CNTNAP2: variants seen among roughly 807,000 people sequenced by gnomAD.
The protein encoded by CNTNAP2 is contactin associated protein 2, also known as contactin-associated protein-like 2.
In CNTNAP2, 98 loss-of-function variants were observed where a neutral mutation model predicts 155.2. That is an observed-to-expected ratio of 0.63 (90% CI 0.54 to 0.75). The LOEUF (loss-of-function observed/expected upper bound fraction) is 0.75, where lower values mean the gene tolerates loss of function less well. Ranked by LOEUF, CNTNAP2 falls within the 30% of genes least tolerant of loss-of-function variation. The pLI, the probability that CNTNAP2 is intolerant of heterozygous loss-of-function variation, is 0.00. For synonymous variants in CNTNAP2, 651 were observed against 631.2 expected, an observed-to-expected ratio of 1.03 and a Z score of -0.47; for missense variants, 1,727 against 1,688.1, an observed-to-expected ratio of 1.02 and a Z score of -0.40.
intron 1 of CNTNAP2, among the ~76,000 whole-genome samples, chr7:146,575,199 C>A (rs1011215806): frequency 3.3e-5 from 5 of 152,142 alleles, no homozygotes; most frequent in African/African-American, 9.7e-5. Context: ...TCACTGCAAC[C>A]TCTGCCTCCT....
intron 1 of CNTNAP2, among the ~76,000 whole-genome samples, chr7:146,675,833 C>G (rs1027141015): frequency 1.9e-4 from 29 of 152,042 alleles, no homozygotes; most frequent in African/African-American, 6.5e-4. Flanking sequence ...TCATTGTTAT[C>G]AATTTAGTCA....
In CNTNAP2 at chr7:147,110,987, C is replaced by T. The variant is rs183878283; in HGVS notation, c.754+2637C>T. On this transcript the variant is annotated intron_variant, in intron 5 of 23. Transcript: ENST00000361727. Reference sequence around the variant, plus strand: ...CAATGATTGAACTAATTTCCCCTCCCACCAACAGCATAAAAGCTTTCCTTT... The same window carrying T: ...CAATGATTGAACTAATTTCCCCTCCTACCAACAGCATAAAAGCTTTCCTTT... Among the ~76,000 whole-genome samples, 7 of 152,302 alleles carry T rather than the reference C, an allele frequency of 4.6e-5. No individual in the cohort carries two copies. In the East Asian group the frequency reaches 1.3e-3, roughly 29 times the overall value.
At chr7:146,212,912 C>A (rs1201849583) in intron 1 of CNTNAP2, among the ~76,000 whole-genome samples, 1 of 152,092 alleles carries the variant, frequency 6.6e-6, no homozygotes, top group Non-Finnish European at 1.5e-5. Context: ...CTGGAGTTAA[C>A]CTGAACATGA....
chr7:146,597,898 T>C (rs1252041447), intron 1 of CNTNAP2, among the ~76,000 whole-genome samples: 1 of 152,110 alleles, frequency 6.6e-6, no homozygotes, highest in Non-Finnish European at 1.5e-5. Flanking sequence ...ACTCCGAACC[T>C]CTTCTCCTAG....
At chr7:146,664,667 A>T (rs1800159517) in intron 1 of CNTNAP2, among the ~76,000 whole-genome samples, 1 of 152,164 alleles carries the variant, frequency 6.6e-6, no homozygotes, top group South Asian at 2.1e-4. Flanking sequence ...CATAAAATGA[A>T]TTGGAAATTC....
intron 12 of CNTNAP2, chr7:147,638,721 G>A (rs1038817515): frequency 2.6e-6 from 1 of 389,202 alleles, no homozygotes; most frequent in African/African-American, 2.1e-5. Context: ...AGTTCATTTA[G>A]GAAAGAGAAA....
At chr7:146,258,586 T>C (rs1799874696) in intron 1 of CNTNAP2, among the ~76,000 whole-genome samples, 1 of 152,198 alleles carries the variant, frequency 6.6e-6, no homozygotes, top group African/African-American at 2.4e-5. Context: ...TGTACCCATA[T>C]AGTGATGGAT....
In CNTNAP2 at chr7:146,642,510, G is replaced by A. The variant is rs956663897; in HGVS notation, c.98-131761G>A. 5.9e-5 allele frequency among the ~76,000 whole-genome samples: 9 copies of A among 151,688 alleles called. No homozygotes were observed. The East Asian group carries it at 7.7e-4, about 13-fold the overall frequency. On this transcript the variant is annotated intron_variant, in intron 1 of 23. Transcript: ENST00000361727. Reference sequence around the variant, plus strand: ...AACTCATCATTTCTTATGGCTGCATGGTATTCCATGGTGTATACGTGCCAC... The same window carrying A: ...AACTCATCATTTCTTATGGCTGCATAGTATTCCATGGTGTATACGTGCCAC...
intron 2 of CNTNAP2, among the ~76,000 whole-genome samples, chr7:146,815,298 TGAA>T (rs1359345435): frequency 6.6e-6 from 1 of 152,180 alleles, no homozygotes; most frequent in Admixed American, 6.6e-5. Flanking sequence ...ATATTTGTAA[TGAA>T]GACAAATATT....
chr7:147,411,254 G>GA (rs935556190), intron 10 of CNTNAP2, among the ~76,000 whole-genome samples: 15 of 151,906 alleles, frequency 9.9e-5, no homozygotes, highest in South Asian at 4.2e-4. Flanking sequence ...TATTCAATGG[G>GA]AAAAAAAATG....
chr7:146,121,169 C>T, intron 1 of CNTNAP2, among the ~76,000 whole-genome samples: 1 of 132,248 alleles, frequency 7.6e-6, no homozygotes, highest in Non-Finnish European at 1.6e-5. Flanking sequence ...TGCTCTGTCG[C>T]CCAGGCTGGA....
chr7:147,955,557 C>G (rs969774480), intron 14 of CNTNAP2, among the ~76,000 whole-genome samples: 3 of 152,002 alleles, frequency 2.0e-5, no homozygotes, highest in Non-Finnish European at 4.4e-5. Context: ...TATTCAGAAC[C>G]CCCAGTTGTC....
chr7:147,400,707 G>A (rs931656425), intron 10 of CNTNAP2, among the ~76,000 whole-genome samples: 5 of 152,102 alleles, frequency 3.3e-5, no homozygotes, highest in African/African-American at 1.2e-4. Flanking sequence ...GTGTTCTTGG[G>A]AAAGCTTTTG....
chr7:148,214,338 G>C (rs1443974070), intron 18 of CNTNAP2, among the ~76,000 whole-genome samples: 1 of 152,144 alleles, frequency 6.6e-6, no homozygotes, highest in East Asian at 1.9e-4. Flanking sequence ...TCATCACATA[G>C]CTGCTAAATA....
At chr7:146,754,134 C>T (rs1801951821) in intron 1 of CNTNAP2, among the ~76,000 whole-genome samples, 2 of 151,954 alleles carry the variant, frequency 1.3e-5, no homozygotes, top group Admixed American at 1.3e-4. Flanking sequence ...TTAATATTCT[C>T]TTTTGATTCC....
chr7:146,647,331 A>C (rs1799831588), intron 1 of CNTNAP2, among the ~76,000 whole-genome samples: 1 of 151,632 alleles, frequency 6.6e-6, no homozygotes, highest in South Asian at 2.1e-4. Context: ...TCTGTTAAGA[A>C]GGAGAAGAAA....
chr7:146,970,020 A>T (rs948821739), intron 3 of CNTNAP2, among the ~76,000 whole-genome samples: 7 of 152,212 alleles, frequency 4.6e-5, no homozygotes, highest in Non-Finnish European at 8.8e-5. Flanking sequence ...TAGAAAGCTG[A>T]AACTGGATCC....
chr7:148,364,407 T>C (rs1005563362), intron 21 of CNTNAP2, among the ~76,000 whole-genome samples: 2 of 152,198 alleles, frequency 1.3e-5, no homozygotes, highest in Admixed American at 1.3e-4. Flanking sequence ...GGTTTGTGAG[T>C]GCACCAATCG....
chr7:148,145,436 A>G (rs1805160037), intron 16 of CNTNAP2, among the ~76,000 whole-genome samples: 2 of 152,350 alleles, frequency 1.3e-5, no homozygotes, highest in Admixed American at 1.3e-4. Context: ...TCATCATAGC[A>G]GTAGGAGAAT....
Sources: gnomAD v4.1 joint callset for allele counts (sites outside exome capture counted in the v4.1 genomes callset) on GRCh38, gnomAD v4.1.1 for gene constraint, MANE v1.5 for transcripts, NCBI Gene and HGNC (gene_info 2026-07-23, HGNC 2026-07-21) for gene names.